Variants in ACP5 observed in about 807,000 individuals in gnomAD.
ACP5 encodes acid phosphatase 5, tartrate resistant, also known as tartrate-resistant acid phosphatase type 5.
ACP5 carries 24 observed loss-of-function variants against 28.7 expected under a neutral mutation model. The ratio of observed to expected loss-of-function variants is 0.84; its 90% confidence interval spans 0.61 to 1.18. The LOEUF is 1.18. ACP5 is among the 50% of genes most tolerant of loss of function. ACP5 has a pLI of 0.00. For missense variants in ACP5, 354 were observed against 422.2 expected (o/e 0.84, Z 1.42); for synonymous variants, 154 against 181.4 (o/e 0.85, Z 1.21).
Position 11,576,226 on chromosome 19 carries a change from A to T in ACP5, c.735+17T>A. ...ACCCCCCTCACCCAGCTCCCACCCC[A>T]CCCACAGGGCCCTCACCTGCAGATT... On this transcript the variant is annotated intron_variant, in intron 4 of 4. Transcript: ENST00000648477. The T allele has an allele frequency of 6.2e-7, 1 of 1,600,138 alleles. No homozygotes were observed. The highest frequency in any genetic ancestry group is 8.5e-7 in the Non-Finnish European group (1 of 1,178,852).
chr19:11,574,690 C>T lies in ACP5; in HGVS notation c.*320G>A, dbSNP rs541115969. On this transcript the variant is annotated 3_prime_UTR_variant, in exon 5 of 5. Transcript: ENST00000648477. ...CCTTGGCAACTATTCTTTTATTGAA[C>T]ATCAGTAACAGAAAGATGCTTGATT... is the stretch of plus-strand genomic sequence containing the variant. 1.9e-5 allele frequency: 8 copies of T among 429,050 alleles called. No individual in the cohort carries two copies. The highest frequency in any genetic ancestry group is 1.6e-4 in the African/African-American group (8 of 49,706). 26.6% of individuals were successfully genotyped at this position (429,050 alleles called of 1,614,324 possible).
chr19:11,576,629 C>T (rs1293668060), intron 3 of ACP5, 41 bp from the exon 4 acceptor site: 2 of 1,613,656 alleles, frequency 1.2e-6, no homozygotes, highest in East Asian at 2.2e-5. Context: ...ATCTTGGGCG[C>T]AGAAGTCCCA....
In ACP5 at chr19:11,575,064, C is replaced by T. The variant is rs752567197; in HGVS notation, c.924G>A (p.Glu308=). 6.2e-7 allele frequency: 1 copy of T among 1,614,190 alleles called. No homozygotes were observed. The highest frequency in any genetic ancestry group is 1.1e-5 in the South Asian group (1 of 91,090). Residue 308 remains glutamate, a synonymous_variant, in exon 5 of 5, where the codon GAG becomes GAA. Coordinates refer to ENST00000648477, the MANE Select transcript of ACP5 (RefSeq NM_001611.5). ...TCTTAAAGAGGGACTTGCCCGAGGC[C>T]TCGATGTAAGTGACAGTCATCTCTT... The part of the protein sequence containing the change: ...SSKEMTVTYI[E]ASGKSLFKTR...
intron 4 of ACP5, among the ~76,000 whole-genome samples, chr19:11,576,006 C>CCAAAAAAAAA (rs1973125766): frequency 1.9e-5 from 1 of 52,910 alleles, no homozygotes; most frequent in African/African-American, 8.3e-5. Flanking sequence ...ACCTTGTCTC[C>CCAAAAAAAAA]AAAAAAAAAA....
At chr19:11,575,305 G>A (rs750542834) in intron 4 of ACP5, 53 bp from the exon 5 acceptor site, 310 of 1,609,742 alleles carry the variant, frequency 1.9e-4, no homozygotes, top group Non-Finnish European at 2.5e-4. Context: ...GCAGAGCCCT[G>A]CCTAAGGTCC....
intron 3 of ACP5, 55 bp from the exon 4 acceptor site, chr19:11,576,643 T>G (rs753781424): frequency 6.2e-7 from 1 of 1,612,962 alleles, no homozygotes; most frequent in South Asian, 1.1e-5. Context: ...AGTCCCAGGG[T>G]CAGCTCAAGC....
chr19:11,575,492 G>C, intron 4 of ACP5: 1 of 528,884 alleles, frequency 1.9e-6, no homozygotes, highest in East Asian at 3.5e-5. Context: ...GGGAGGCTGA[G>C]GGGGTGGATT....
Position 11,577,202 on chromosome 19 carries a change from T to A in ACP5, c.116A>T (p.Asn39Ile), listed in dbSNP as rs757203906. 6.2e-7 allele frequency: 1 copy of A among 1,613,988 alleles called. No individual in the cohort carries two copies. The highest frequency in any genetic ancestry group is 8.5e-7 in the Non-Finnish European group (1 of 1,180,016). ...VAVGDWGGVP[N>I]APFHTAREMA... The stretch of plus-strand genomic sequence containing the variant: ...TTCCCGGGCCGTGTGGAATGGGGCA[T>A]TGGGGACCCCTCCCCAGTCACCCAC... Residue 39 changes from asparagine (N) to isoleucine (I), a missense_variant, in exon 2 of 5, where the codon AAT becomes ATT. Coordinates refer to ENST00000648477, the MANE Select transcript of ACP5 (RefSeq NM_001611.5). The surrounding 1 kb of genome is among the most constrained non-coding windows in gnomAD (Gnocchi z 5.7).
upstream of ACP5, chr19:11,577,677 T>G: frequency 2.5e-6 from 1 of 392,490 alleles, no homozygotes; most frequent in Non-Finnish European, 4.8e-6. This position sits in a 1 kb window ranked among gnomAD's most constrained non-coding sequence, Gnocchi z 5.7. Flanking sequence ...GAGCCTTTAT[T>G]CCCTGAGGAG....
Position 11,576,713 on chromosome 19 carries a change from C to T in ACP5, c.389+3G>A, listed in dbSNP as rs776981075. 3 of 1,613,590 alleles carry T rather than the reference C, an allele frequency of 1.9e-6. No homozygotes were observed. The South Asian group carries it at 3.3e-5, about 18-fold the overall frequency. On this transcript the variant is annotated splice_donor_region_variant and intron_variant, in intron 3 of 4. Transcript: ENST00000648477. The stretch of plus-strand genomic sequence containing the variant: ...TCGGAAGGCAGGGCTGAGGGTGGCT[C>T]ACCAGCGCTTGGAGATCTTAGAGTA...
rs758812133 is a variant in ACP5, at chr19:11,577,341, G to T, written c.1-24C>A. 2.5e-6 allele frequency: 4 copies of T among 1,610,368 alleles called. No individual in the cohort carries two copies. Among genetic ancestry groups the T allele is most frequent in the South Asian group, 2.2e-5 (2 of 90,554 alleles). On this transcript the variant is annotated intron_variant, in intron 1 of 4. Coordinates refer to ENST00000648477, the MANE Select transcript of ACP5 (RefSeq NM_001611.5). This position sits in a 1 kb window ranked among gnomAD's most constrained non-coding sequence, Gnocchi z 5.7. ...ATCTGGGAGAAGAGAGACAAGCATA[G>T]GTGGCCCGGGCTGTGACAAGGGCAG...
chr19:11,576,215 G>T, intron 4 of ACP5, 28 bp downstream of exon 4: 1 of 1,593,980 alleles, frequency 6.3e-7, no homozygotes, highest in Non-Finnish European at 8.5e-7. Context: ...CCCTCACCCA[G>T]CTCCCACCCC....
At position 11,574,898 on chromosome 19, in the gene ACP5, C is replaced by A; in HGVS notation, c.*112G>T. 7.8e-7 allele frequency: 1 copy of A among 1,289,492 alleles called. No homozygotes were observed. Among genetic ancestry groups the A allele is most frequent in the South Asian group, 1.2e-5 (1 of 81,494 alleles). 79.9% of individuals were successfully genotyped at this position (1,289,492 alleles called of 1,614,324 possible). ...CATCAGCTGTGTTTCCCCTTCCTGC[C>A]CTGCTGCAGCGCCACAGGTTGGAGG... On this transcript the variant is annotated 3_prime_UTR_variant, in exon 5 of 5. Coordinates refer to ENST00000648477, the MANE Select transcript of ACP5 (RefSeq NM_001611.5).
intron 2 of ACP5, 86 bp downstream of exon 2, chr19:11,576,971 G>T: frequency 6.2e-7 from 1 of 1,605,066 alleles, no homozygotes; most frequent in Non-Finnish European, 8.5e-7. Flanking sequence ...CCTTCCCTCT[G>T]CCCTCACCAA....
At chr19:11,576,145 G>C in intron 4 of ACP5, 98 bp downstream of exon 4, 1 of 1,005,542 alleles carries the variant, frequency 9.9e-7, no homozygotes, top group East Asian at 2.6e-5. Context: ...GAAGGCCACA[G>C]GAGACCCTCA....
upstream of ACP5, chr19:11,577,838 C>T (rs1040256835): frequency 4.5e-5 from 10 of 221,400 alleles, 1 homozygote; most frequent in Middle Eastern, 5.5e-3. The surrounding 1 kb of genome is among the most constrained non-coding windows in gnomAD (Gnocchi z 5.7). Flanking sequence ...GCAGCAGCCT[C>T]GGCCCACACA....
chr19:11,577,162 C>G lies in ACP5; in HGVS notation c.156G>C (p.Lys52Asn), dbSNP rs1599637026. The change falls in exon 2 of 5, where the codon AAG (lysine) becomes AAC (asparagine). Residue 52 changes from lysine to asparagine, a missense_variant. By Grantham distance (94) the Lys-to-Asn change is moderately conservative (BLOSUM62 0). Coordinates refer to ENST00000648477, the MANE Select transcript of ACP5 (RefSeq NM_001611.5). This position sits in a 1 kb window ranked among gnomAD's most constrained non-coding sequence, Gnocchi z 5.7. ...GGATCTGCACAGTCCGAGCGATCTC[C>G]TTGGCATTGGCCATTTCCCGGGCCG... ...FHTAREMANA[K>N]EIARTVQILG... 1.9e-6 allele frequency: 3 copies of G among 1,614,078 alleles called. No homozygotes were observed. The African/African-American group carries it at 4.0e-5, about 22-fold the overall frequency.
In ACP5 at chr19:11,576,702, T is replaced by A. The variant is rs1409840212; in HGVS notation, c.389+14A>T. 1.2e-6 allele frequency: 2 copies of A among 1,612,682 alleles called. No individual in the cohort carries two copies. Among genetic ancestry groups the A allele is most frequent in the African/African-American group, 2.7e-5 (2 of 74,464 alleles). ...ATGTGAGGATCTCGGAAGGCAGGGC[T>A]GAGGGTGGCTCACCAGCGCTTGGAG... On this transcript the variant is annotated intron_variant, in intron 3 of 4. Transcript: ENST00000648477.
rs752091275 is a variant in ACP5, at chr19:11,575,117, C to T, written c.871G>A (p.Gly291Ser). The part of the protein sequence containing the change: ...FHYGTEDSLG[G>S]FAYVEISSKE... ...GAGCTGATCTCCACATAGGCAAAGC[C>T]ACCCAGTGAGTCTTCAGTCCCATAG... The change falls in exon 5 of 5, where the codon GGC becomes AGC. Residue 291 changes from glycine (G) to serine (S), a missense_variant. Physicochemically the swap from Gly to Ser is moderately conservative, Grantham distance 56. Coordinates refer to ENST00000648477, the MANE Select transcript of ACP5 (RefSeq NM_001611.5). 7 of 1,614,234 alleles carry T rather than the reference C, an allele frequency of 4.3e-6. No individual in the cohort carries two copies. The highest frequency in any genetic ancestry group is 5.9e-6 in the Non-Finnish European group (7 of 1,180,030).
Sources: gnomAD v4.1 joint callset for allele counts (sites outside exome capture counted in the v4.1 genomes callset) on GRCh38, gnomAD v4.1.1 for gene constraint, Gnocchi (gnomAD v3.1) non-coding constraint, MANE v1.5 for transcripts, NCBI Gene and HGNC (gene_info 2026-07-23, HGNC 2026-07-21) for gene names.